The following MAST4 variants were observed in gnomAD, a reference collection of about 807,000 sequenced individuals.
The protein encoded by MAST4 is microtubule-associated serine/threonine-protein kinase 4.
Under a neutral mutation model 162.7 loss-of-function variants are expected in MAST4, and 89 were observed. The observed-to-expected ratio is 0.55, with a 90% CI of 0.46 to 0.65. The LOEUF is 0.65. Among genes scored for constraint, MAST4 ranks in the 30% least tolerant of loss-of-function variants. The pLI, the probability that MAST4 is intolerant of heterozygous loss-of-function variation, is 0.00. For synonymous variants in MAST4, 1,479 were observed against 1,361.1 expected, an observed-to-expected ratio of 1.09 and a Z score of -1.91; for missense variants, 3,153 against 3,374.0, an observed-to-expected ratio of 0.93 and a Z score of 1.62.
intron 3 of MAST4, among the ~76,000 whole-genome samples, chr5:66,847,820 C>G (rs1252511960): frequency 1.8e-5 from 1 of 54,146 alleles, no homozygotes; most frequent in Non-Finnish European, 3.0e-5. Flanking sequence ...GACTCCTTCT[C>G]AAAAAAAAAA....
chr5:67,011,153 A>G (rs906052428), intron 4 of MAST4, among the ~76,000 whole-genome samples: 1 of 151,782 alleles, frequency 6.6e-6, no homozygotes, highest in African/African-American at 2.4e-5. Flanking sequence ...AGTTTCTCTT[A>G]CTGTAAAGCC....
In MAST4 at chr5:67,033,315, C is replaced by CTCTGTGTGTG. The variant is rs1554084489; in HGVS notation, c.675-21088_675-21087insCTGTGTGTGT. The stretch of plus-strand genomic sequence containing the variant: ...ATTACTTTTTTGGGTTTTCATTTCT[C>CTCTGTGTGTG]TGTGTGTGTGTGTGTGTGTGTGTGT... On this transcript the variant is annotated intron_variant, in intron 4 of 28. Coordinates refer to ENST00000403625, the MANE Select transcript of MAST4 (RefSeq NM_001164664.2). 5.6e-3 allele frequency among the ~76,000 whole-genome samples: 705 copies of CTCTGTGTGTG among 125,982 alleles called. 11 individuals are homozygous for CTCTGTGTGTG. Among genetic ancestry groups the CTCTGTGTGTG allele is most frequent in the African/African-American group, 0.019 (624 of 32,276 alleles). The allele number at this position is 125,982 out of a possible 152,430, so 82.6% of individuals were successfully genotyped here.
intron 3 of MAST4, among the ~76,000 whole-genome samples, chr5:66,876,777 G>A (rs1303147140): frequency 1.3e-5 from 2 of 152,188 alleles, no homozygotes; most frequent in African/African-American, 4.8e-5. Flanking sequence ...GCATTGTCAT[G>A]ACAGAAAGTC....
intron 1 of MAST4, among the ~76,000 whole-genome samples, chr5:66,680,937 C>T (rs1312859225): frequency 6.6e-6 from 1 of 152,218 alleles, no homozygotes; most frequent in Non-Finnish European, 1.5e-5. Context: ...GTCATTGACA[C>T]TCTTCTGGGC....
chr5:67,085,081 C>A (rs1276284935), intron 5 of MAST4, among the ~76,000 whole-genome samples: 1 of 152,142 alleles, frequency 6.6e-6, no homozygotes, highest in Non-Finnish European at 1.5e-5. Flanking sequence ...AAAGCTTGCC[C>A]AGGTGTTCAA....
At chr5:66,917,983 T>C (rs1178561425) in intron 4 of MAST4, among the ~76,000 whole-genome samples, 1 of 152,128 alleles carries the variant, frequency 6.6e-6, no homozygotes, top group Non-Finnish European at 1.5e-5. Flanking sequence ...GAACCAAAAA[T>C]TTAATATTTC....
chr5:66,693,694 G>A (rs1749204180), intron 1 of MAST4, among the ~76,000 whole-genome samples: 1 of 152,222 alleles, frequency 6.6e-6, no homozygotes, highest in South Asian at 2.1e-4. Flanking sequence ...AATGTCTTAA[G>A]ATTATTAAAC....
chr5:66,970,971 G>A (rs909916114), intron 4 of MAST4, among the ~76,000 whole-genome samples: 1 of 152,148 alleles, frequency 6.6e-6, no homozygotes, highest in African/African-American at 2.4e-5. Flanking sequence ...CTCCAGGTTT[G>A]ACCAACAGAT....
chr5:66,788,607 C>CCCACCAAAAAAAAAAAA, intron 2 of MAST4, 63 bp from the exon 3 acceptor site: 5 of 1,373,718 alleles, frequency 3.6e-6, no homozygotes, highest in South Asian at 2.3e-5. Context: ...CCCCCACCCC[C>CCCACCAAAAAAAAAAAA]ATTGCAATAA....
intron 1 of MAST4, among the ~76,000 whole-genome samples, chr5:66,688,605 A>G (rs1276004038): frequency 2.6e-5 from 4 of 152,206 alleles, no homozygotes; most frequent in African/African-American, 9.7e-5. Context: ...CAATCTTTCC[A>G]GAGACTCTCT....
At chr5:67,109,865 A>G (rs1766022805) in intron 10 of MAST4, among the ~76,000 whole-genome samples, 1 of 152,232 alleles carries the variant, frequency 6.6e-6, no homozygotes, top group Non-Finnish European at 1.5e-5. Flanking sequence ...CACAGATAAT[A>G]TATCAGAATT....
chr5:67,161,086 C>A (rs1773130181), intron 27 of MAST4, among the ~76,000 whole-genome samples: 2 of 152,164 alleles, frequency 1.3e-5, no homozygotes, highest in Admixed American at 1.3e-4. Context: ...AGCTTATATA[C>A]TTTTGTAGCC....
chr5:66,777,532 C>T (rs887792919), intron 2 of MAST4, among the ~76,000 whole-genome samples: 9 of 151,928 alleles, frequency 5.9e-5, no homozygotes, highest in Non-Finnish European at 1.3e-4. Flanking sequence ...ATTTAAACCT[C>T]GTGTCTGGGA....
At chr5:66,884,022 C>T (rs1761882032) in intron 3 of MAST4, among the ~76,000 whole-genome samples, 2 of 152,162 alleles carry the variant, frequency 1.3e-5, no homozygotes, top group African/African-American at 4.8e-5. Flanking sequence ...TTCTAAGTTA[C>T]TAAGTACAAT....
chr5:66,673,525 T>TTTTG (rs1561253039), intron 1 of MAST4, among the ~76,000 whole-genome samples: 2 of 120,662 alleles, frequency 1.7e-5, no homozygotes, highest in Non-Finnish European at 3.9e-5. Context: ...TGTTTTTTGT[T>TTTTG]TTTTGTTTTT....
chr5:67,042,675 C>A (rs115798788), intron 4 of MAST4, among the ~76,000 whole-genome samples: 1 of 152,312 alleles, frequency 6.6e-6, no homozygotes, highest in Non-Finnish European at 1.5e-5. Flanking sequence ...GGCAGTTTTC[C>A]TGTTGCTTCT....
intron 22 of MAST4, 30 bp downstream of exon 22, chr5:67,144,826 G>A (rs1018219593): frequency 1.4e-5 from 22 of 1,568,176 alleles, no homozygotes; most frequent in Admixed American, 3.8e-5. Flanking sequence ...AGTAATATAA[G>A]CAGTAGCTAC....
chr5:66,630,838 T>C (rs115389896), intron 1 of MAST4, among the ~76,000 whole-genome samples: 3,446 of 152,294 alleles, frequency 0.023, 78 homozygotes, highest in African/African-American at 0.058. Context: ...GATTTCTAGA[T>C]AATTAAACTG....
At chr5:66,893,776 G>A (rs371945199) in intron 3 of MAST4, among the ~76,000 whole-genome samples, 57 of 152,268 alleles carry the variant, frequency 3.7e-4, no homozygotes, top group East Asian at 2.7e-3. Flanking sequence ...ATTTAGGAAA[G>A]CATGTATTTA....
Sources: allele counts gnomAD v4.1 joint callset (sites outside exome capture counted in the v4.1 genomes callset), GRCh38; gene constraint gnomAD v4.1.1; transcripts MANE v1.5; gene names NCBI Gene and HGNC (gene_info 2026-07-23, HGNC 2026-07-21).